The following TENM3 variants were observed in gnomAD, a reference collection of about 807,000 sequenced individuals.
TENM3 encodes teneurin transmembrane protein 3, also known as teneurin-3.
Under a neutral mutation model 255.1 loss-of-function variants are expected in TENM3, and 63 were observed. The ratio of observed to expected loss-of-function variants is 0.25; its 90% CI spans 0.20 to 0.30. The LOEUF (loss-of-function observed/expected upper bound fraction) is 0.30. Ranked by LOEUF, TENM3 falls within the 10% of genes least tolerant of loss-of-function variation. The pLI, the probability that TENM3 is intolerant of heterozygous loss-of-function variation, is 1.00. For synonymous variants in TENM3, 1,306 were observed against 1,322.3 expected, an observed-to-expected ratio of 0.99 and a Z score of 0.27; for missense variants, 2,929 against 3,461.1, an observed-to-expected ratio of 0.85 and a Z score of 3.86.
chr4:182,285,915 A>G (rs1177956428), intron 1 of TENM3, among the ~76,000 whole-genome samples: 2 of 152,276 alleles, frequency 1.3e-5, no homozygotes, highest in Non-Finnish European at 2.9e-5. Flanking sequence ...AATAATTACA[A>G]TCGATTAAAA....
intron 2 of TENM3, among the ~76,000 whole-genome samples, chr4:182,346,436 A>C (rs1257153875): frequency 6.6e-6 from 1 of 152,122 alleles, no homozygotes; most frequent in Non-Finnish European, 1.5e-5. Context: ...GAGTTGACAA[A>C]GGAGCTCTAA....
At chr4:181,476,174 G>A in the TENM3 span, among the ~76,000 whole-genome samples, 6 of 150,596 alleles carry the variant, frequency 4.0e-5, no homozygotes. Context: ...TTGAAGCCCC[G>A]GAATGAAAGT....
the TENM3 span, among the ~76,000 whole-genome samples, chr4:181,701,640 A>G: frequency 6.6e-6 from 1 of 152,314 alleles, no homozygotes; most frequent in African/African-American, 2.4e-5. Flanking sequence ...AGTGCACGAA[A>G]CAAAATGCTT....
the TENM3 span, among the ~76,000 whole-genome samples, chr4:182,103,428 G>T: frequency 6.6e-6 from 1 of 152,234 alleles, no homozygotes; most frequent in Non-Finnish European, 1.5e-5. Context: ...AGCATTAGCT[G>T]TAAGTGAACT....
the TENM3 span, among the ~76,000 whole-genome samples, chr4:182,032,965 CTATTT>C: frequency 2.0e-5 from 3 of 149,484 alleles, no homozygotes; most frequent in Non-Finnish European, 4.4e-5. Flanking sequence ...AGAGTTCTAT[CTATTT>C]TATTAATTTT....
the TENM3 span, among the ~76,000 whole-genome samples, chr4:181,560,963 A>AT: frequency 3.9e-4 from 60 of 151,908 alleles, no homozygotes; most frequent in African/African-American, 1.4e-3. Context: ...CTTAATTTTT[A>AT]TTTTTTTTCT....
At chr4:181,566,451 T>G in the TENM3 span, among the ~76,000 whole-genome samples, 4 of 152,174 alleles carry the variant, frequency 2.6e-5, no homozygotes, top group Non-Finnish European at 4.4e-5. Context: ...CTATTCTGCT[T>G]GATTGAAGAG....
chr4:182,223,844 A>G (rs796857496), intron 1 of TENM3, among the ~76,000 whole-genome samples: 2 of 151,182 alleles, frequency 1.3e-5, no homozygotes, highest in East Asian at 1.9e-4. Context: ...TCTATCTACC[A>G]CTTGGCAGCT....
In TENM3 at chr4:182,408,206, C is replaced by G. The variant is rs139558471; in HGVS notation, c.511+61277C>G. On this transcript the variant is annotated intron_variant, in intron 3 of 27. Coordinates refer to ENST00000511685, the MANE Select transcript of TENM3 (RefSeq NM_001080477.4). ...AGGTTCTGTTATTAGTAAATCATTG[C>G]AAGAATAGACATAAATATCAACTTA... 6.0e-3 allele frequency among the ~76,000 whole-genome samples: 910 copies of G among 152,284 alleles called. 9 individuals carry two copies. The highest frequency in any genetic ancestry group is 0.021 in the African/African-American group (858 of 41,560).
chr4:182,653,872 T>C lies in TENM3; in HGVS notation c.1090T>C (p.Ser364Pro), dbSNP rs745637440. The stretch of plus-strand genomic sequence containing the variant: ...TGATACCATGCCAACAAACACTGTG[T>C]CATTACCTTCTGGAGACAATGGTAA... ...NSDTMPTNTVSLPSGDNGKLG... is the reference protein window; with the variant it reads ...NSDTMPTNTVPLPSGDNGKLG... Residue 364 changes from serine to proline, a missense_variant, in exon 6 of 28, where the codon TCA (serine) becomes CCA (proline). Ser to Pro is a moderately conservative substitution (Grantham distance 74). This residue lies in a region of TENM3 where 1,608 missense variants were observed against 1,884.4 expected (regional missense o/e 0.85). Transcript: ENST00000511685. The C allele has an allele frequency of 1.9e-6, 3 of 1,612,616 alleles. No homozygotes were observed. Among genetic ancestry groups the C allele is most frequent in the Admixed American group, 1.7e-5 (1 of 59,728 alleles).
At chr4:182,179,187 T>G (rs1215740990) in intron 1 of TENM3, among the ~76,000 whole-genome samples, 1 of 152,200 alleles carries the variant, frequency 6.6e-6, no homozygotes, top group Non-Finnish European at 1.5e-5. Context: ...CCCCTGGTGG[T>G]CTTTCAAAAG....
chr4:182,637,318 T>G (rs1407146044), intron 5 of TENM3, among the ~76,000 whole-genome samples: 1 of 152,208 alleles, frequency 6.6e-6, no homozygotes, highest in Non-Finnish European at 1.5e-5. Context: ...CCACATCATC[T>G]TAGAATGTCT....
chr4:182,517,190 C>G (rs1156687333), intron 3 of TENM3, among the ~76,000 whole-genome samples: 1 of 151,786 alleles, frequency 6.6e-6, no homozygotes, highest in Non-Finnish European at 1.5e-5. Flanking sequence ...CAAACCCAGC[C>G]GAGAATATAA....
At chr4:182,378,648 C>A (rs188026246) in intron 3 of TENM3, among the ~76,000 whole-genome samples, 1 of 152,102 alleles carries the variant, frequency 6.6e-6, no homozygotes, top group Non-Finnish European at 1.5e-5. Flanking sequence ...GGTCACCCAG[C>A]GGTCACGGAG....
chr4:182,555,902 G>A (rs1334580700), intron 3 of TENM3, among the ~76,000 whole-genome samples: 1 of 151,646 alleles, frequency 6.6e-6, no homozygotes, highest in Non-Finnish European at 1.5e-5. Flanking sequence ...GAGGCCTCTG[G>A]AATTACTTTT....
the TENM3 span, among the ~76,000 whole-genome samples, chr4:181,924,928 A>G: frequency 6.6e-6 from 1 of 152,250 alleles, no homozygotes; most frequent in African/African-American, 2.4e-5. Flanking sequence ...ACATAAAAAT[A>G]TTGCTATAAT....
chr4:182,770,296 A>T (rs1333334053), intron 22 of TENM3, among the ~76,000 whole-genome samples: 2 of 151,682 alleles, frequency 1.3e-5, no homozygotes, highest in African/African-American at 4.8e-5. Flanking sequence ...AGCCACTCTC[A>T]CCCCCACCTT....
At chr4:182,449,005 C>A (rs1329632625) in intron 3 of TENM3, 1 of 400,198 alleles carries the variant, frequency 2.5e-6, no homozygotes, top group African/African-American at 2.2e-5. Context: ...CGCTGTAACA[C>A]GATACGCTCC....
chr4:182,341,791 T>A (rs910219624), intron 2 of TENM3, among the ~76,000 whole-genome samples: 8 of 152,178 alleles, frequency 5.3e-5, no homozygotes, highest in Non-Finnish European at 7.4e-5. Flanking sequence ...AGCAGCATAA[T>A]AGAAGGCAAA....
Sources: gnomAD v4.1 joint callset for allele counts (sites outside exome capture counted in the v4.1 genomes callset) on GRCh38, gnomAD v4.1.1 for gene constraint, gnomAD v4.1.1 regional missense constraint, MANE v1.5 for transcripts, NCBI Gene and HGNC (gene_info 2026-07-23, HGNC 2026-07-21) for gene names.